GPR158: variants seen among roughly 807,000 people sequenced by gnomAD.
The protein encoded by GPR158 is metabotropic glycine receptor.
GPR158 carries 30 observed loss-of-function variants against 78.2 expected under a neutral mutation model. That is an observed-to-expected ratio of 0.38 (90% CI 0.29 to 0.52). The LOEUF (loss-of-function observed/expected upper bound fraction) is 0.52. Ranked by LOEUF, GPR158 falls within the 20% of genes least tolerant of loss-of-function variation. GPR158 has a pLI of 0.83. For synonymous variants in GPR158, 581 were observed against 591.1 expected (o/e 0.98, Z 0.25); for missense variants, 1,463 against 1,523.5 (o/e 0.96, Z 0.66).
chr10:25,371,413 A>G (rs10741080), intron 2 of GPR158, among the ~76,000 whole-genome samples: 96,773 of 151,470 alleles, frequency 0.64, 31,904 homozygotes, highest in Non-Finnish European at 0.73. Flanking sequence ...TCCTAAGCCA[A>G]AAGAACAAAG....
At position 25,598,368 on chromosome 10, in the gene GPR158, T is replaced by C; in HGVS notation, c.2742T>C (p.Leu914=). ...SVIASAKEKT[L]GLAGKTQTAG... is the part of the protein sequence containing the mutation. Reference sequence around the variant, plus strand: ...TAGCAAGCGCCAAGGAGAAGACTCTTGGATTAGCTGGGAAAACCCAAACAG... The same window carrying C: ...TAGCAAGCGCCAAGGAGAAGACTCTCGGATTAGCTGGGAAAACCCAAACAG... Residue 914 remains leucine, a synonymous_variant, in exon 11 of 11, where the codon CTT becomes CTC. Transcript: ENST00000376351. The C allele has an allele frequency of 6.2e-7, 1 of 1,614,098 alleles. No homozygotes were observed. Among genetic ancestry groups the C allele is most frequent in the Non-Finnish European group, 8.5e-7 (1 of 1,180,028 alleles).
intron 5 of GPR158, among the ~76,000 whole-genome samples, chr10:25,531,016 A>C (rs1836415956): frequency 6.6e-6 from 1 of 152,218 alleles, no homozygotes; most frequent in Non-Finnish European, 1.5e-5. Context: ...TCATCACTCT[A>C]ATCCTTTCAG....
chr10:25,437,109 T>C (rs993446328), intron 4 of GPR158, among the ~76,000 whole-genome samples: 3 of 152,212 alleles, frequency 2.0e-5, no homozygotes, highest in African/African-American at 7.2e-5. Flanking sequence ...ATTATTGTTT[T>C]ACTGGGACAA....
chr10:25,243,604 A>C (rs1388525705), intron 2 of GPR158, among the ~76,000 whole-genome samples: 1 of 152,208 alleles, frequency 6.6e-6, no homozygotes, highest in Non-Finnish European at 1.5e-5. Context: ...TTTTATCCCA[A>C]AGGAACATTC....
At chr10:25,391,645 TTTGATC>T (rs1834299579) in intron 2 of GPR158, among the ~76,000 whole-genome samples, 1 of 152,236 alleles carries the variant, frequency 6.6e-6, no homozygotes, top group Non-Finnish European at 1.5e-5. Flanking sequence ...CTGACTTGTT[TTTGATC>T]TTATAGGTTC....
chr10:25,241,173 CTTTCTTTCTTTCTTTCCTTT>C (rs1348799203), intron 2 of GPR158, among the ~76,000 whole-genome samples: 1,134 of 98,490 alleles, frequency 0.012, 18 homozygotes, highest in South Asian at 0.028. Flanking sequence ...TTCTTTCTTT[CTTTCTTTCTTTCTTTCCTTT>C]CTTTCTTTCC....
intron 6 of GPR158, among the ~76,000 whole-genome samples, chr10:25,567,806 T>C (rs1333059656): frequency 2.6e-5 from 4 of 152,054 alleles, no homozygotes; most frequent in Non-Finnish European, 5.9e-5. Context: ...AGATGCACAA[T>C]AGTGAAAGAC....
intron 3 of GPR158, among the ~76,000 whole-genome samples, chr10:25,401,291 T>G (rs1167922680): frequency 2.0e-5 from 3 of 152,316 alleles, no homozygotes; most frequent in African/African-American, 7.2e-5. Context: ...ATTCTGAAGC[T>G]AGGCTTTTAC....
In GPR158 at chr10:25,600,774, G is replaced by A. The variant is rs1330650211; in HGVS notation, c.*1500G>A. 6.6e-6 allele frequency: 1 copy of A among 152,280 alleles called. No individual in the cohort carries two copies. Among genetic ancestry groups the A allele is most frequent in the African/African-American group, 2.4e-5 (1 of 41,378 alleles). The allele number at this position is 152,280 out of a possible 1,614,324, so 9.4% of individuals were successfully genotyped here. ...CACTTGCTCGACATGTAACATGTAA[G>A]GTCCATTTGCAAAGCAAAGCAGCCC... On this transcript the variant is annotated 3_prime_UTR_variant, in exon 11 of 11. Coordinates refer to ENST00000376351, the MANE Select transcript of GPR158 (RefSeq NM_020752.3).
intron 2 of GPR158, among the ~76,000 whole-genome samples, chr10:25,370,957 T>G (rs1022694133): frequency 1.3e-5 from 2 of 150,086 alleles, no homozygotes; most frequent in African/African-American, 4.9e-5. Context: ...TTTGCTGGTT[T>G]AAAGTCTGTT....
intron 5 of GPR158, among the ~76,000 whole-genome samples, chr10:25,501,663 G>A (rs998604510): frequency 4.6e-5 from 7 of 152,138 alleles, no homozygotes; most frequent in African/African-American, 1.2e-4. Flanking sequence ...GCCAGTGTGC[G>A]CTCAGAGAGA....
At chr10:25,302,466 G>C (rs1436934641) in intron 2 of GPR158, among the ~76,000 whole-genome samples, 1 of 152,056 alleles carries the variant, frequency 6.6e-6, no homozygotes, top group African/African-American at 2.4e-5. Flanking sequence ...GCAGGACTCA[G>C]CCTTGAAACT....
At chr10:25,198,613 A>G (rs917530196) in intron 1 of GPR158, among the ~76,000 whole-genome samples, 1 of 152,226 alleles carries the variant, frequency 6.6e-6, no homozygotes, top group African/African-American at 2.4e-5. Context: ...TGCCTCTTAA[A>G]TTTGGCCTTC....
chr10:25,201,080 T>C (rs138204625), intron 1 of GPR158, among the ~76,000 whole-genome samples: 39 of 152,262 alleles, frequency 2.6e-4, no homozygotes, highest in African/African-American at 7.7e-4. Flanking sequence ...ACTGAATCCG[T>C]AAATTGCTTT....
intron 2 of GPR158, among the ~76,000 whole-genome samples, chr10:25,254,381 A>T (rs1190702111): frequency 6.6e-6 from 1 of 152,214 alleles, no homozygotes; most frequent in Non-Finnish European, 1.5e-5. Flanking sequence ...GCAGATCCTG[A>T]AGAACAAAGC....
At chr10:25,371,190 T>C (rs1175898426) in intron 2 of GPR158, among the ~76,000 whole-genome samples, 1 of 150,414 alleles carries the variant, frequency 6.6e-6, no homozygotes, top group Non-Finnish European at 1.5e-5. Flanking sequence ...TATTGTTATG[T>C]GTGAATTTGA....
intron 5 of GPR158, among the ~76,000 whole-genome samples, chr10:25,482,492 A>G (rs1048914942): frequency 3.9e-5 from 6 of 152,134 alleles, no homozygotes; most frequent in Admixed American, 2.0e-4. Flanking sequence ...TTAAAATTCA[A>G]TTATCTAATG....
At chr10:25,338,391 A>G (rs78234167) in intron 2 of GPR158, among the ~76,000 whole-genome samples, 1 of 144,078 alleles carries the variant, frequency 6.9e-6, no homozygotes, top group African/African-American at 2.6e-5. Flanking sequence ...ATCTCTCTCT[A>G]TATATATTAT....
intron 4 of GPR158, among the ~76,000 whole-genome samples, chr10:25,424,327 T>C (rs1834790922): frequency 6.6e-6 from 1 of 152,232 alleles, no homozygotes; most frequent in Non-Finnish European, 1.5e-5. Flanking sequence ...ATTCTGTAGG[T>C]TGCCTGTTCA....
Sources: allele counts gnomAD v4.1 joint callset (sites outside exome capture counted in the v4.1 genomes callset), GRCh38; gene constraint gnomAD v4.1.1; transcripts MANE v1.5; gene names NCBI Gene and HGNC (gene_info 2026-07-23, HGNC 2026-07-21).